PCDHGB1: variants seen among roughly 807,000 people sequenced by gnomAD.
PCDHGB1 encodes protocadherin gamma-B1.
Under a neutral mutation model 56.6 loss-of-function variants are expected in PCDHGB1, and 34 were observed. That is an observed-to-expected ratio of 0.60 (90% CI 0.46 to 0.80). PCDHGB1 has a LOEUF of 0.80. Ranked by LOEUF, PCDHGB1 falls within the 30% of genes least tolerant of loss-of-function variation. PCDHGB1 has a pLI of 0.00. For synonymous variants in PCDHGB1, 561 were observed against 505.9 expected (o/e 1.11, Z -1.46); for missense variants, 1,278 against 1,204.6 (o/e 1.06, Z -0.90).
intron 1 of PCDHGB1, chr5:141,426,679 T>A (rs1008777231): frequency 9.3e-6 from 4 of 431,308 alleles, no homozygotes; most frequent in African/African-American, 2.0e-5. Context: ...CCACCTCATT[T>A]TCCCCAAAAT....
chr5:141,422,703 G>A (rs1473348513), intron 1 of PCDHGB1: 1 of 1,603,132 alleles, frequency 6.2e-7, no homozygotes, highest in Admixed American at 1.7e-5. Context: ...CTTACTCTCT[G>A]ACGGATGACA....
intron 1 of PCDHGB1, among the ~76,000 whole-genome samples, chr5:141,450,099 C>T (rs2098669229): frequency 6.6e-6 from 1 of 151,500 alleles, no homozygotes; most frequent in African/African-American, 2.4e-5. Flanking sequence ...CTCCGCCTCC[C>T]AGGTTCAAAT....
At chr5:141,456,574 T>G (rs373414652) in intron 1 of PCDHGB1, among the ~76,000 whole-genome samples, 3 of 152,198 alleles carry the variant, frequency 2.0e-5, no homozygotes, top group South Asian at 4.1e-4. Flanking sequence ...ACATTTTCCC[T>G]GAGCCTGTCA....
chr5:141,431,736 G>T lies in PCDHGB1; in HGVS notation c.2410-63071G>T. On this transcript the variant is annotated intron_variant, in intron 1 of 3. Transcript: ENST00000523390. The surrounding 1 kb of genome is among the most constrained non-coding windows in gnomAD (Gnocchi z 4.8). ...GAAGTGCAAGCAATGGATAATGCAG[G>T]ATATTCTGCGCGAGCCAAAGTCCTG... 1 of 1,614,218 alleles carries T rather than the reference G, an allele frequency of 6.2e-7. No individual in the cohort carries two copies. The highest frequency in any genetic ancestry group is 8.5e-7 in the Non-Finnish European group (1 of 1,180,046).
chr5:141,389,588 C>T (rs2091837140), intron 1 of PCDHGB1: 3 of 1,613,150 alleles, frequency 1.9e-6, no homozygotes, highest in Non-Finnish European at 2.5e-6. Flanking sequence ...TGGGTCCCGA[C>T]GGCTCTGCGC....
intron 1 of PCDHGB1, among the ~76,000 whole-genome samples, chr5:141,382,046 C>G (rs1241597403): frequency 6.6e-6 from 1 of 151,928 alleles, no homozygotes. Flanking sequence ...TCAGGCTGGT[C>G]TCAAGCTCCC....
At chr5:141,388,993 G>C (rs778336882) in intron 1 of PCDHGB1, 1 of 1,614,026 alleles carries the variant, frequency 6.2e-7, no homozygotes, top group South Asian at 1.1e-5. Context: ...CTCAAAGTCC[G>C]TGACAAGGAT....
chr5:141,489,314 G>T lies in PCDHGB1; in HGVS notation c.2410-5493G>T. ...TGCATGTTGTCCTTGTGCTGCTGGG[G>T]CTGGGTGTCTGGGCAGCTTCGTTAC... On this transcript the variant is annotated intron_variant, in intron 1 of 3. Transcript: ENST00000523390. This position sits in a 1 kb window ranked among gnomAD's most constrained non-coding sequence, Gnocchi z 4.5. 6.3e-7 allele frequency: 1 copy of T among 1,596,908 alleles called. No individual in the cohort carries two copies. The highest frequency in any genetic ancestry group is 8.5e-7 in the Non-Finnish European group (1 of 1,170,694).
At chr5:141,389,910 C>A in intron 1 of PCDHGB1, 3 of 1,614,080 alleles carry the variant, frequency 1.9e-6, no homozygotes, top group Non-Finnish European at 2.5e-6. Flanking sequence ...TATCACTGAC[C>A]GCCCCGACCC....
chr5:141,364,220 C>A, intron 1 of PCDHGB1: 2 of 1,327,422 alleles, frequency 1.5e-6, no homozygotes, highest in South Asian at 3.3e-5. Context: ...CTACGAAAAG[C>A]CAACGCTCCA....
chr5:141,511,560 T>C lies in PCDHGB1; in HGVS notation c.*387T>C. ...CCACCCCACTCCAACAGTTCCTCTT[T>C]CCCGAGTAAGGTGGTTGGGGTGTTG... On this transcript the variant is annotated 3_prime_UTR_variant, in exon 4 of 4. Coordinates refer to ENST00000523390, the MANE Select transcript of PCDHGB1 (RefSeq NM_018922.3). The C allele has an allele frequency of 3.3e-6, 1 of 298,990 alleles. No homozygotes were observed. The highest frequency in any genetic ancestry group is 3.7e-5 in the South Asian group (1 of 27,250). The allele number at this position is 298,990 out of a possible 1,614,324, so 18.5% of individuals were successfully genotyped here.
intron 2 of PCDHGB1, among the ~76,000 whole-genome samples, chr5:141,500,901 G>A (rs984072329): frequency 7.6e-5 from 11 of 144,582 alleles, no homozygotes; most frequent in African/African-American, 2.6e-4. Flanking sequence ...AGACAGTCTC[G>A]CTCTGTCTCC....
rs765050792 is a variant in PCDHGB1, at chr5:141,355,544, A to C, written c.2409+2875A>C. ...GAGATTCTTCTAGAAGATACAGTGA[A>C]GATTTTGCGGGTAGAGGTGGAAATA... On this transcript the variant is annotated intron_variant, in intron 1 of 3. Coordinates refer to ENST00000523390, the MANE Select transcript of PCDHGB1 (RefSeq NM_018922.3). 6 of 1,614,058 alleles carry C rather than the reference A, an allele frequency of 3.7e-6. No individual in the cohort carries two copies. In the Admixed American group the frequency reaches 1.0e-4, roughly 27 times the overall value.
At chr5:141,421,548 G>C in intron 1 of PCDHGB1, 1 of 1,613,984 alleles carries the variant, frequency 6.2e-7, no homozygotes, top group Non-Finnish European at 8.5e-7. Flanking sequence ...TTTTAAATAT[G>C]GAACTTCTCG....
At chr5:141,498,231 A>T (rs1213697084) in intron 2 of PCDHGB1, among the ~76,000 whole-genome samples, 1 of 152,268 alleles carries the variant, frequency 6.6e-6, no homozygotes, top group East Asian at 1.9e-4. Flanking sequence ...ATGGTCAGGC[A>T]TACCAGCTTC....
intron 1 of PCDHGB1, chr5:141,374,160 C>A: frequency 6.2e-7 from 1 of 1,612,164 alleles, no homozygotes; most frequent in Middle Eastern, 1.7e-4. Flanking sequence ...CTGTGGGGGG[C>A]CGCGGCAGCG....
rs1562142740 is a variant in PCDHGB1, at chr5:141,490,958, ACT to A, written c.2410-3847_2410-3846del. 1 of 1,613,728 alleles carries A rather than the reference ACT, an allele frequency of 6.2e-7. No homozygotes were observed. Among genetic ancestry groups the A allele is most frequent in the Non-Finnish European group, 8.5e-7 (1 of 1,179,830 alleles). On this transcript the variant is annotated intron_variant, in intron 1 of 3. Transcript: ENST00000523390. The surrounding 1 kb of genome is among the most constrained non-coding windows in gnomAD (Gnocchi z 5.4). Reference sequence around the variant, plus strand: ...CTGCACCCACGGCCAGACTGGGAACACTCAGCCCCCCAGCGTCTCCCTCGCTC... The same window carrying A: ...CTGCACCCACGGCCAGACTGGGAACACAGCCCCCCAGCGTCTCCCTCGCTC...
chr5:141,478,465 C>T (rs768021356), intron 1 of PCDHGB1: 6 of 1,613,730 alleles, frequency 3.7e-6, no homozygotes, highest in Non-Finnish European at 5.1e-6. Context: ...GTCCACTGGC[C>T]AGCCGCCAGA....
chr5:141,368,869 C>A (rs1351748629), intron 1 of PCDHGB1, among the ~76,000 whole-genome samples: 2 of 152,124 alleles, frequency 1.3e-5, no homozygotes, highest in Non-Finnish European at 2.9e-5. Context: ...TGTTTTGGAG[C>A]AAAGTCTTGA....
Sources: allele counts gnomAD v4.1 joint callset (sites outside exome capture counted in the v4.1 genomes callset), GRCh38; gene constraint gnomAD v4.1.1; non-coding constraint Gnocchi (gnomAD v3.1); transcripts MANE v1.5; gene names NCBI Gene and HGNC (gene_info 2026-07-23, HGNC 2026-07-21).